The following GOLPH3L variants were observed in gnomAD, a reference collection of about 807,000 sequenced individuals.
GOLPH3L encodes the protein Golgi phosphoprotein 3-like.
GOLPH3L carries 22 observed loss-of-function variants against 30.3 expected under a neutral mutation model. The observed-to-expected ratio is 0.73, with a 90% confidence interval of 0.52 to 1.04. The LOEUF (loss-of-function observed/expected upper bound fraction) is 1.04. Among genes scored for constraint, GOLPH3L ranks in the 50% least tolerant of loss-of-function variants. GOLPH3L has a pLI of 0.00. For synonymous variants in GOLPH3L, 120 were observed against 128.2 expected, an observed-to-expected ratio of 0.94 and a Z score of 0.43; for missense variants, 303 against 345.8, an observed-to-expected ratio of 0.88 and a Z score of 0.98.
chr1:150,652,015 C>T (rs1357743958), intron 4 of GOLPH3L, among the ~76,000 whole-genome samples: 1 of 152,030 alleles, frequency 6.6e-6, no homozygotes. Context: ...TATCCAACAT[C>T]ATAGTAAAAA....
chr1:150,649,411 AT>A (rs1418220319), intron 4 of GOLPH3L, among the ~76,000 whole-genome samples: 1 of 152,218 alleles, frequency 6.6e-6, no homozygotes, highest in African/African-American at 2.4e-5. Flanking sequence ...GACTGACTTT[AT>A]TTGGAACACA....
chr1:150,671,920 T>C (rs1024228840), intron 2 of GOLPH3L, among the ~76,000 whole-genome samples: 1 of 152,020 alleles, frequency 6.6e-6, no homozygotes, highest in Non-Finnish European at 1.5e-5. Context: ...TGTGATAAAG[T>C]TGAATGAAAA....
rs954206252 is a variant in GOLPH3L, at chr1:150,648,166, A to G, written c.*155T>C. 2 of 601,220 alleles carry G rather than the reference A, an allele frequency of 3.3e-6. No individual in the cohort carries two copies. Among genetic ancestry groups the G allele is most frequent in the East Asian group, 2.8e-5 (1 of 36,348 alleles). The allele number at this position is 601,220 out of a possible 1,614,324, so 37.2% of individuals were successfully genotyped here. A position where few individuals can be genotyped will look rare whatever the true frequency, so the allele number is the denominator to read the frequency against. On this transcript the variant is annotated 3_prime_UTR_variant, in exon 5 of 5. Coordinates refer to ENST00000271732, the MANE Select transcript of GOLPH3L (RefSeq NM_018178.6). ...GGTCTGCTTATAATGGTCAAGGTCT[A>G]TGGAGAAGCCCTGAAGTTGCTCTCC...
intron 2 of GOLPH3L, among the ~76,000 whole-genome samples, chr1:150,665,772 G>A (rs913995928): frequency 2.0e-5 from 3 of 151,814 alleles, no homozygotes; most frequent in Admixed American, 6.6e-5. Context: ...TTTGCTCACC[G>A]TTCCTTCCTG....
At chr1:150,694,087 G>C in intron 2 of GOLPH3L, 1 of 411,164 alleles carries the variant, frequency 2.4e-6, no homozygotes, top group Admixed American at 2.8e-5. Flanking sequence ...TTGAACTCCT[G>C]GCCTCAAGTG....
At chr1:150,685,676 C>T (rs970620658) in intron 2 of GOLPH3L, among the ~76,000 whole-genome samples, 9 of 151,774 alleles carry the variant, frequency 5.9e-5, no homozygotes, top group Admixed American at 1.3e-4. Context: ...GATCGCACCG[C>T]TGCACTCTAG....
chr1:150,689,615 T>C (rs1035304062), intron 2 of GOLPH3L, among the ~76,000 whole-genome samples: 1 of 152,162 alleles, frequency 6.6e-6, no homozygotes, highest in African/African-American at 2.4e-5. Flanking sequence ...CTTGATTGTT[T>C]TCATAAGACA....
intron 2 of GOLPH3L, among the ~76,000 whole-genome samples, chr1:150,683,262 A>C (rs7536404): frequency 0.39 from 58,372 of 151,442 alleles, 11,536 homozygotes; most frequent in South Asian, 0.55. Context: ...ATTGGCCTGG[A>C]GCGGTGGCTC....
intron 2 of GOLPH3L, chr1:150,694,165 G>T: frequency 2.2e-6 from 1 of 450,292 alleles, no homozygotes; most frequent in Non-Finnish European, 4.6e-6. Context: ...TCCAACTGTT[G>T]ATATTTGCCT....
rs1460146664 is a variant in GOLPH3L, at chr1:150,648,693, G to A, written c.486C>T (p.Arg162=). Residue 162 remains arginine, a synonymous_variant, in exon 5 of 5, where the codon CGC becomes CGT. Coordinates refer to ENST00000271732, the MANE Select transcript of GOLPH3L (RefSeq NM_018178.6). ...CTTTCTCTACTAGGTTCTTTGCGATGCGCTCTCGTACATTTCTCAGCTGGT... is the reference window on the plus strand; with the variant it reads ...CTTTCTCTACTAGGTTCTTTGCGATACGCTCTCGTACATTTCTCAGCTGGT... The part of the protein sequence containing the change: ...LQYQLRNVRE[R]IAKNLVEKGI... The A allele has an allele frequency of 1.9e-6, 3 of 1,612,458 alleles. No individual in the cohort carries two copies. The East Asian group carries it at 6.7e-5, about 36-fold the overall frequency.
intron 1 of GOLPH3L, 65 bp from the exon 2 acceptor site, chr1:150,694,915 C>A: frequency 1.3e-6 from 1 of 798,464 alleles, no homozygotes; most frequent in Non-Finnish European, 2.1e-6. Flanking sequence ...TATATTCATA[C>A]ATGCATACTA....
intron 2 of GOLPH3L, among the ~76,000 whole-genome samples, chr1:150,683,966 A>G (rs939958975): frequency 2.0e-5 from 3 of 152,146 alleles, no homozygotes; most frequent in Non-Finnish European, 1.5e-5. Flanking sequence ...ATTACCTCAG[A>G]ATACATCTGT....
intron 4 of GOLPH3L, among the ~76,000 whole-genome samples, chr1:150,658,228 G>C (rs951166351): frequency 6.6e-6 from 1 of 152,192 alleles, no homozygotes. Context: ...ACCCACCTGA[G>C]GGCAGATCAA....
intron 2 of GOLPH3L, among the ~76,000 whole-genome samples, chr1:150,671,644 A>G (rs1479736377): frequency 6.6e-6 from 1 of 152,044 alleles, no homozygotes; most frequent in East Asian, 1.9e-4. Flanking sequence ...TGTCTCTACT[A>G]AAAATACAAA....
rs988241433 is a variant in GOLPH3L, at chr1:150,661,846, T to A, written c.398A>T (p.Glu133Val). The A allele has an allele frequency of 1.1e-5, 18 of 1,568,984 alleles. No homozygotes were observed. The highest frequency in any genetic ancestry group is 1.6e-5 in the Non-Finnish European group (18 of 1,138,870). Residue 133 changes from glutamate to valine, a missense_variant, in exon 4 of 5, where the codon GAA (glutamate) becomes GTA (valine). By Grantham distance (121) the Glu-to-Val change is moderately radical. Transcript: ENST00000271732. ...LKHIKATEPT[E>V]TVQTWIELLT... is the part of the protein sequence containing the mutation. ...TAGCTCTATCCATGTTTGGACAGTTTCTGTGGGTTCAGTTGCTTTGATGTG... is the reference window on the plus strand; with the variant it reads ...TAGCTCTATCCATGTTTGGACAGTTACTGTGGGTTCAGTTGCTTTGATGTG...
At chr1:150,670,191 G>A (rs974870341) in intron 2 of GOLPH3L, among the ~76,000 whole-genome samples, 34 of 152,038 alleles carry the variant, frequency 2.2e-4, no homozygotes, top group African/African-American at 8.2e-4. Context: ...GAACCCCAGA[G>A]GTGGAGGTTG....
chr1:150,662,061 C>T, intron 3 of GOLPH3L, 133 bp from the exon 4 acceptor site: 1 of 610,550 alleles, frequency 1.6e-6, no homozygotes, highest in Admixed American at 2.7e-5. Flanking sequence ...TGTCTCTGTC[C>T]TCAAGAAGTT....
chr1:150,671,080 A>C (rs1261902043), intron 2 of GOLPH3L, among the ~76,000 whole-genome samples: 1 of 151,972 alleles, frequency 6.6e-6, no homozygotes, highest in Non-Finnish European at 1.5e-5. Flanking sequence ...TCTCCACTAA[A>C]AATACAAAAA....
intron 4 of GOLPH3L, among the ~76,000 whole-genome samples, chr1:150,648,955 C>T (rs1302106528): frequency 1.3e-5 from 2 of 152,214 alleles, no homozygotes; most frequent in African/African-American, 4.8e-5. Context: ...CCAAGGACTT[C>T]CATATTGCTA....
Sources: allele counts gnomAD v4.1 joint callset (sites outside exome capture counted in the v4.1 genomes callset), GRCh38; gene constraint gnomAD v4.1.1; transcripts MANE v1.5; gene names NCBI Gene and HGNC (gene_info 2026-07-23, HGNC 2026-07-21).